The following ANKRD30A variants were observed in gnomAD, a reference collection of about 807,000 sequenced individuals.
ANKRD30A encodes ankyrin repeat domain 30A, also known as ankyrin repeat domain-containing protein 30A.
In ANKRD30A, 170 loss-of-function variants were observed where a neutral mutation model predicts 166.3. The observed-to-expected ratio is 1.02, with a 90% CI of 0.90 to 1.16. The LOEUF (loss-of-function observed/expected upper bound fraction) is 1.16. ANKRD30A is among the 50% of genes most tolerant of loss of function. The pLI is 0.00. For missense variants in ANKRD30A, 1,630 were observed against 1,518.0 expected (o/e 1.07, Z -1.23); for synonymous variants, 564 against 508.9 (o/e 1.11, Z -1.46).
At chr10:37,193,316 G>T in intron 27 of ANKRD30A, 58 bp downstream of exon 27, 2 of 1,537,980 alleles carry the variant, frequency 1.3e-6, no homozygotes, top group Non-Finnish European at 1.8e-6. Flanking sequence ...TATTTGAAAT[G>T]CTGTGAGACT....
intron 7 of ANKRD30A, among the ~76,000 whole-genome samples, chr10:37,143,915 CTTTTTT>C (rs34646779): frequency 1.5e-5 from 2 of 132,154 alleles, no homozygotes; most frequent in Non-Finnish European, 3.3e-5. Flanking sequence ...ATGCTATAGT[CTTTTTT>C]TTTTTTTTTT....
At chr10:37,237,217 C>G (rs1344880200), downstream of ANKRD30A, among the ~76,000 whole-genome samples, 1 of 152,176 alleles carries the variant, frequency 6.6e-6, no homozygotes, top group African/African-American at 2.4e-5. Context: ...CCATTTCTGG[C>G]CTGGAGCTAC....
intron 21 of ANKRD30A, among the ~76,000 whole-genome samples, chr10:37,172,543 C>CTT (rs148180513): frequency 1.0e-3 from 85 of 83,002 alleles, no homozygotes; most frequent in South Asian, 1.2e-3. Flanking sequence ...TTTTTAATTT[C>CTT]TTTTTTTTTT....
intron 32 of ANKRD30A, among the ~76,000 whole-genome samples, chr10:37,217,174 G>A (rs545793447): frequency 2.5e-4 from 37 of 150,964 alleles, no homozygotes; most frequent in African/African-American, 8.7e-4. Context: ...AGGCATATGG[G>A]ATAACAGATA....
chr10:37,244,497 G>T, the ANKRD30A span, among the ~76,000 whole-genome samples: 2 of 152,190 alleles, frequency 1.3e-5, no homozygotes, highest in Non-Finnish European at 2.9e-5. Context: ...GAATGAAATG[G>T]CATTATTCAA....
At chr10:37,240,677 C>G in the ANKRD30A span, among the ~76,000 whole-genome samples, 1 of 152,138 alleles carries the variant, frequency 6.6e-6, no homozygotes, top group Non-Finnish European at 1.5e-5. Flanking sequence ...CTCCTCCCTT[C>G]TATCTGACAT....
intron 27 of ANKRD30A, among the ~76,000 whole-genome samples, chr10:37,194,802 T>G (rs1200407496): frequency 6.6e-6 from 1 of 152,174 alleles, no homozygotes; most frequent in Non-Finnish European, 1.5e-5. Context: ...CACATTTAAT[T>G]AGACCGTCTT....
chr10:37,159,731 G>T (rs1838698693), intron 15 of ANKRD30A, among the ~76,000 whole-genome samples: 1 of 151,436 alleles, frequency 6.6e-6, no homozygotes. Context: ...GTTTTTTTGA[G>T]ATCACCCAGG....
chr10:37,219,442 T>C lies in ANKRD30A; in HGVS notation c.3730T>C (p.Tyr1244His). ...KMNVDVSSTIYNNEVLHQPLS... is the reference protein window; with the variant it reads ...KMNVDVSSTIHNNEVLHQPLS... ...GAATGTTGATGTGAGTAGTACGATA[T>C]ATAACAATGAGGTGCTCCATCAACC... Residue 1244 changes from tyrosine (Y) to histidine (H), a missense_variant, in exon 34 of 36, where the codon TAT (tyrosine) becomes CAT (histidine). Coordinates refer to ENST00000361713, the MANE Select transcript of ANKRD30A (RefSeq NM_052997.3). The C allele has an allele frequency of 1.2e-6, 2 of 1,610,372 alleles. No homozygotes were observed. The highest frequency in any genetic ancestry group is 1.7e-6 in the Non-Finnish European group (2 of 1,177,684).
At position 37,145,023 on chromosome 10, in the gene ANKRD30A, A is replaced by C. The variant is rs375078975; in HGVS notation, c.1422A>C (p.Gln474His). ...NDQRFPSESK[Q>H]EEDEEYSCDS... is the part of the protein sequence containing the mutation. The stretch of plus-strand genomic sequence containing the variant: ...AGAGGTTCCCATCAGAATCCAAACA[A>C]GAGGAAGATGAAGAATATTCTTGTG... The change falls in exon 8 of 36, where the codon CAA becomes CAC. Residue 474 changes from glutamine to histidine, a missense_variant. By Grantham distance (24) the Gln-to-His change is conservative (BLOSUM62 0). This residue lies in a region of ANKRD30A where 904 missense variants were observed against 818.5 expected (regional missense o/e 1.10). Coordinates refer to ENST00000361713, the MANE Select transcript of ANKRD30A (RefSeq NM_052997.3). 6.2e-7 allele frequency: 1 copy of C among 1,602,822 alleles called. No homozygotes were observed. Among genetic ancestry groups the C allele is most frequent in the Non-Finnish European group, 8.5e-7 (1 of 1,174,488 alleles).
intron 34 of ANKRD30A, among the ~76,000 whole-genome samples, chr10:37,222,049 A>T (rs1842925481): frequency 6.6e-6 from 1 of 151,396 alleles, no homozygotes; most frequent in African/African-American, 2.4e-5. Context: ...AAATAGAGGA[A>T]ATTATCTTGA....
chr10:37,199,317 C>T (rs375470449), intron 29 of ANKRD30A, among the ~76,000 whole-genome samples: 8 of 151,838 alleles, frequency 5.3e-5, no homozygotes, highest in East Asian at 1.9e-4. Flanking sequence ...TGAAGAACTG[C>T]GTAATAGAGA....
intron 15 of ANKRD30A, among the ~76,000 whole-genome samples, chr10:37,160,866 A>C (rs562084150): frequency 1.5e-4 from 23 of 152,316 alleles, no homozygotes; most frequent in East Asian, 1.2e-3. Context: ...ATCTGGTTGT[A>C]ACTCCAGCAG....
Position 37,219,370 on chromosome 10 carries a change from G to A in ANKRD30A, c.3658G>A (p.Glu1220Lys). ...AATTGTGACATCAAGAAAAAGTCAAGAACCTGCTTTCCACATTGCAGGAGA... is the reference window on the plus strand; with the variant it reads ...AATTGTGACATCAAGAAAAAGTCAAAAACCTGCTTTCCACATTGCAGGAGA... ...DQIVTSRKSQ[E>K]PAFHIAGDAC... The change falls in exon 34 of 36, where the codon GAA becomes AAA. Residue 1220 changes from glutamate to lysine, a missense_variant. Physicochemically the swap from Glu to Lys is moderately conservative, Grantham distance 56. This residue lies in a region of ANKRD30A where 712 missense variants were observed against 629.3 expected (regional missense o/e 1.13). Transcript: ENST00000361713. 1 of 1,610,480 alleles carries A rather than the reference G, an allele frequency of 6.2e-7. No homozygotes were observed. The highest frequency in any genetic ancestry group is 2.2e-5 in the East Asian group (1 of 44,740).
In ANKRD30A at chr10:37,212,528, C is replaced by G. The variant is rs146758662; in HGVS notation, c.2870-3653C>G. ...GAATTGGAAAAACTACTTTAAAGTT[C>G]ATATGGAACCAAAAAAGAGCCCGCA... is the stretch of plus-strand genomic sequence containing the variant. On this transcript the variant is annotated intron_variant, in intron 31 of 35. Transcript: ENST00000361713. Among the ~76,000 whole-genome samples, 62 of 152,104 alleles carry G rather than the reference C, an allele frequency of 4.1e-4. 2 individuals carry two copies. In the East Asian group the frequency reaches 9.7e-3, roughly 24 times the overall value.
chr10:37,264,301 G>C, the ANKRD30A span, among the ~76,000 whole-genome samples: 1 of 152,180 alleles, frequency 6.6e-6, no homozygotes, highest in African/African-American at 2.4e-5. Flanking sequence ...GACAGCAAAA[G>C]TGTGTTCATC....
At chr10:37,141,060 T>C (rs943942103) in intron 6 of ANKRD30A, among the ~76,000 whole-genome samples, 6 of 152,228 alleles carry the variant, frequency 3.9e-5, no homozygotes, top group African/African-American at 9.6e-5. Context: ...CTTGTTATTA[T>C]ATAATTGGTC....
the ANKRD30A span, among the ~76,000 whole-genome samples, chr10:37,253,710 A>G: frequency 6.8e-6 from 1 of 146,332 alleles, no homozygotes. Context: ...GTGCAGTAGC[A>G]CATCTTGGCT....
chr10:37,134,589 T>C (rs561853629), intron 5 of ANKRD30A, among the ~76,000 whole-genome samples: 9 of 152,168 alleles, frequency 5.9e-5, no homozygotes, highest in Non-Finnish European at 8.8e-5. Context: ...GATTTCAAAG[T>C]TATTACAGTT....
Sources: allele counts gnomAD v4.1 joint callset (sites outside exome capture counted in the v4.1 genomes callset), GRCh38; gene constraint gnomAD v4.1.1; regional missense constraint gnomAD v4.1.1; transcripts MANE v1.5; gene names NCBI Gene and HGNC (gene_info 2026-07-23, HGNC 2026-07-21).